EFHD2: variants seen among roughly 807,000 people sequenced by gnomAD.
EFHD2 encodes the protein EF-hand domain family member D2.
In EFHD2, 12 loss-of-function variants were observed where a neutral mutation model predicts 20.3. The ratio of observed to expected loss-of-function variants is 0.59; its 90% CI spans 0.38 to 0.96. The LOEUF (loss-of-function observed/expected upper bound fraction) is 0.96. Among genes scored for constraint, EFHD2 ranks in the 40% least tolerant of loss-of-function variants. The pLI, the probability that EFHD2 is intolerant of heterozygous loss-of-function variation, is 0.00. For synonymous variants in EFHD2, 131 were observed against 143.9 expected (o/e 0.91, Z 0.64); for missense variants, 250 against 334.3 (o/e 0.75, Z 1.97).
Position 15,426,467 on chromosome 1 carries a change from G to T in EFHD2, c.456+449G>T, listed in dbSNP as rs926108304. On this transcript the variant is annotated intron_variant, in intron 2 of 3. Transcript: ENST00000375980. This position sits in a 1 kb window ranked among gnomAD's most constrained non-coding sequence, Gnocchi z 4.6. ...CCGAGACAGGAGCTAGGGGCAAGCC[G>T]GTTTCGCAGGGAAGGAAATGGAGGC... Among the ~76,000 whole-genome samples, 1 of 152,138 alleles carries T rather than the reference G, an allele frequency of 6.6e-6. No individual in the cohort carries two copies. Among genetic ancestry groups the T allele is most frequent in the Admixed American group, 6.5e-5 (1 of 15,276 alleles).
chr1:15,410,719 C>G (rs1470664834), intron 1 of EFHD2, among the ~76,000 whole-genome samples: 1 of 151,926 alleles, frequency 6.6e-6, no homozygotes, highest in Non-Finnish European at 1.5e-5. Context: ...CTTCCCCGAT[C>G]CCAGCTACTC....
At position 15,413,504 on chromosome 1, in the gene EFHD2, C is replaced by T. The variant is rs773599700; in HGVS notation, c.308+3225C>T. ...TCCAGGGCCTTCTGGTCCACCCCTC[C>T]GTGTTGATTCAGCAGGTACTTCCTG... On this transcript the variant is annotated intron_variant, in intron 1 of 3. Coordinates refer to ENST00000375980, the MANE Select transcript of EFHD2 (RefSeq NM_024329.6). This position sits in a 1 kb window ranked among gnomAD's most constrained non-coding sequence, Gnocchi z 4.4. Among the ~76,000 whole-genome samples the T allele has an allele frequency of 7.9e-5, 12 of 152,118 alleles. No individual in the cohort carries two copies. The highest frequency in any genetic ancestry group is 1.8e-4 in the Non-Finnish European group (12 of 68,022).
intron 1 of EFHD2, among the ~76,000 whole-genome samples, chr1:15,410,909 C>A (rs1164049345): frequency 6.6e-6 from 1 of 152,138 alleles, no homozygotes; most frequent in Non-Finnish European, 1.5e-5. Context: ...AGTTACTTAG[C>A]GTCTACCAGC....
chr1:15,410,523 G>T (rs1384881253), intron 1 of EFHD2, among the ~76,000 whole-genome samples: 2 of 152,080 alleles, frequency 1.3e-5, no homozygotes, highest in Non-Finnish European at 2.9e-5. Flanking sequence ...TATTTGTGCT[G>T]CCTCCGGTAC....
intron 1 of EFHD2, among the ~76,000 whole-genome samples, chr1:15,410,605 A>G (rs1174279464): frequency 5.8e-5 from 8 of 137,172 alleles, no homozygotes; most frequent in African/African-American, 2.3e-4. Flanking sequence ...CGCGAGCCCC[A>G]CCCCCACCAC....
Position 15,409,920 on chromosome 1 carries a change from G to A in EFHD2, c.-52G>A. On this transcript the variant is annotated 5_prime_UTR_variant, in exon 1 of 4. Transcript: ENST00000375980. ...AGGAAGAGGAAGAGCGCGGCCGGCG[G>A]CGCTGCGCTGAGAGCAGGGGCCCGG... 1.7e-6 allele frequency: 2 copies of A among 1,201,208 alleles called. No homozygotes were observed. Among genetic ancestry groups the A allele is most frequent in the Non-Finnish European group, 2.1e-6 (2 of 970,054 alleles). The allele number at this position is 1,201,208 out of a possible 1,614,324, so 74.4% of individuals were successfully genotyped here. A position where few individuals can be genotyped will look rare whatever the true frequency, so the allele number is the denominator to read the frequency against.
intron 1 of EFHD2, among the ~76,000 whole-genome samples, chr1:15,416,946 A>G (rs1707681226): frequency 6.6e-6 from 1 of 152,140 alleles, no homozygotes; most frequent in African/African-American, 2.4e-5. Context: ...AGTAGCTGGG[A>G]CTACAGGCAC....
In EFHD2 at chr1:15,427,168, A is replaced by G; in HGVS notation, c.475A>G (p.Lys159Glu). 1.2e-6 allele frequency: 2 copies of G among 1,612,122 alleles called. No homozygotes were observed. The highest frequency in any genetic ancestry group is 1.7e-6 in the Non-Finnish European group (2 of 1,179,272). Residue 159 changes from lysine (K) to glutamate (E), a missense_variant, in exon 3 of 4, where the codon AAG (lysine) becomes GAG (glutamate). Lys to Glu is a moderately conservative substitution (Grantham distance 56). Coordinates refer to ENST00000375980, the MANE Select transcript of EFHD2 (RefSeq NM_024329.6). ...SFREFLLIFR[K>E]AAAGELQEDS... ...GCTGCAGTTCCTCCTGATCTTCCGC[A>G]AGGCGGCGGCCGGGGAGCTTCAGGA...
rs569804610 is a variant in EFHD2 at position 15,428,764 on chromosome 1, G to T, written c.*40G>T. ...GACCGCCCTGCTCCGGCCCCAGTGT[G>T]GTGGGCGAGGGTGGCGCATGGGAGG... On this transcript the variant is annotated 3_prime_UTR_variant, in exon 4 of 4. Transcript: ENST00000375980. The T allele has an allele frequency of 1.3e-5, 20 of 1,552,854 alleles. No individual in the cohort carries two copies. In the African/African-American group the frequency reaches 2.3e-4, roughly 18 times the overall value.
chr1:15,423,429 C>T (rs1707825691), intron 1 of EFHD2, among the ~76,000 whole-genome samples: 1 of 152,336 alleles, frequency 6.6e-6, no homozygotes, highest in African/African-American at 2.4e-5. Flanking sequence ...AAATGCTCCC[C>T]TTGTGCTCCA....
intron 1 of EFHD2, among the ~76,000 whole-genome samples, chr1:15,417,166 G>A (rs1038970484): frequency 6.6e-6 from 1 of 152,148 alleles, no homozygotes; most frequent in African/African-American, 2.4e-5. Context: ...TTTAAGAAGC[G>A]CTAAGCCTCG....
At chr1:15,418,180 G>A (rs1475554323) in intron 1 of EFHD2, among the ~76,000 whole-genome samples, 4 of 151,432 alleles carry the variant, frequency 2.6e-5, no homozygotes. Context: ...AGTAGAGACA[G>A]GGTTTCACCA....
At chr1:15,416,855 G>A (rs1217186239) in intron 1 of EFHD2, among the ~76,000 whole-genome samples, 1 of 152,038 alleles carries the variant, frequency 6.6e-6, no homozygotes, top group East Asian at 1.9e-4. Context: ...CTGTCACTCA[G>A]ACCAAGTGCA....
chr1:15,423,029 A>G (rs921398293), intron 1 of EFHD2, among the ~76,000 whole-genome samples: 1 of 152,154 alleles, frequency 6.6e-6, no homozygotes, highest in Non-Finnish European at 1.5e-5. Context: ...GACTTGGCTC[A>G]GGAAAGACTG....
rs530973149 is a variant in EFHD2, at chr1:15,426,655, G to T, written c.457-495G>T. Among the ~76,000 whole-genome samples, 4 of 152,268 alleles carry T rather than the reference G, an allele frequency of 2.6e-5. No homozygotes were observed. The highest frequency in any genetic ancestry group is 9.6e-5 in the African/African-American group (4 of 41,542). ...AGAGAGGTGGCAGGGGCAGGTGGGG[G>T]AGTGCGAGTGGCTGGGCGGGAGGTG... On this transcript the variant is annotated intron_variant, in intron 2 of 3. Coordinates refer to ENST00000375980, the MANE Select transcript of EFHD2 (RefSeq NM_024329.6). The surrounding 1 kb of genome is among the most constrained non-coding windows in gnomAD (Gnocchi z 4.6).
rs779687765 is a variant in EFHD2, at chr1:15,410,287, C to T, written c.308+8C>T. 1.3e-6 allele frequency: 2 copies of T among 1,585,530 alleles called. No individual in the cohort carries two copies. The highest frequency in any genetic ancestry group is 1.7e-5 in the Admixed American group (1 of 57,202). On this transcript the variant is annotated splice_region_variant and intron_variant, in intron 1 of 3. Transcript: ENST00000375980. ...GGAGAAGATGTTCAAGCAGTAAGTGCCCGCGCGACCCGGCCCCCCGCCCGC... is the reference window on the plus strand; with the variant it reads ...GGAGAAGATGTTCAAGCAGTAAGTGTCCGCGCGACCCGGCCCCCCGCCCGC...
intron 1 of EFHD2, among the ~76,000 whole-genome samples, chr1:15,422,964 C>T (rs1466973884): frequency 6.6e-6 from 1 of 152,134 alleles, no homozygotes; most frequent in African/African-American, 2.4e-5. Context: ...AGCCCAGGGT[C>T]AGAAAGCGGC....
At chr1:15,427,367 C>A in intron 3 of EFHD2, 83 bp downstream of exon 3, 1 of 1,517,022 alleles carries the variant, frequency 6.6e-7, no homozygotes. Flanking sequence ...GTCCCCTTCC[C>A]GTCCCTGCTG....
intron 1 of EFHD2, among the ~76,000 whole-genome samples, chr1:15,411,682 T>C (rs1707521160): frequency 6.6e-6 from 1 of 152,162 alleles, no homozygotes; most frequent in African/African-American, 2.4e-5. Context: ...AGGCTGAGTC[T>C]TGGGGGTGAG....
Sources: allele counts gnomAD v4.1 joint callset (sites outside exome capture counted in the v4.1 genomes callset), GRCh38; gene constraint gnomAD v4.1.1; non-coding constraint Gnocchi (gnomAD v3.1); transcripts MANE v1.5; gene names NCBI Gene and HGNC (gene_info 2026-07-23, HGNC 2026-07-21).